The following GSE1 variants were observed in gnomAD, a reference collection of about 807,000 sequenced individuals.
GSE1 encodes the protein Gse1 coiled-coil protein, also known as genetic suppressor element 1.
In GSE1, 32 loss-of-function variants were observed where a neutral mutation model predicts 112.6. The ratio of observed to expected loss-of-function variants is 0.28; its 90% confidence interval spans 0.21 to 0.38. The LOEUF (loss-of-function observed/expected upper bound fraction) is 0.38, where lower values mean the gene tolerates loss of function less well. Ranked by LOEUF, GSE1 falls within the 10% of genes least tolerant of loss-of-function variation. The pLI is 1.00. For missense variants in GSE1, 2,348 were observed against 1,699.2 expected (o/e 1.38, Z -6.71); for synonymous variants, 1,115 against 735.6 (o/e 1.52, Z -8.35).
intron 2 of GSE1, among the ~76,000 whole-genome samples, chr16:85,465,561 T>C (rs953757113): frequency 6.6e-5 from 10 of 152,324 alleles, no homozygotes; most frequent in Non-Finnish European, 1.2e-4. Flanking sequence ...TGCTATTTTT[T>C]CTTCCACCTG....
At chr16:85,644,268 G>C (rs1477000186) in intron 2 of GSE1, among the ~76,000 whole-genome samples, 1 of 151,972 alleles carries the variant, frequency 6.6e-6, no homozygotes, top group South Asian at 2.1e-4. Flanking sequence ...GAACCCAGGA[G>C]GTTGAGGCTG....
At chr16:85,617,063 C>T (rs541797657) in intron 1 of GSE1, among the ~76,000 whole-genome samples, 1 of 152,362 alleles carries the variant, frequency 6.6e-6, no homozygotes, top group South Asian at 2.1e-4. Flanking sequence ...CTCGCCACTC[C>T]TGCGTTTGGC....
At chr16:85,339,950 G>A (rs943410796) in intron 1 of GSE1, among the ~76,000 whole-genome samples, 1 of 152,170 alleles carries the variant, frequency 6.6e-6, no homozygotes, top group Non-Finnish European at 1.5e-5. Context: ...CAGGGCGGGG[G>A]CCAGATAAAT....
chr16:85,566,503 C>T (rs2045752905), intron 1 of GSE1, among the ~76,000 whole-genome samples: 1 of 152,350 alleles, frequency 6.6e-6, no homozygotes, highest in African/African-American at 2.4e-5. Context: ...ATGGAGGGCG[C>T]TATTGGCCAG....
At chr16:85,327,057 G>A (rs1408106857) in intron 1 of GSE1, among the ~76,000 whole-genome samples, 1 of 152,200 alleles carries the variant, frequency 6.6e-6, no homozygotes, top group Admixed American at 6.5e-5. Context: ...GACAGTGCGT[G>A]CACCTACCAC....
upstream of GSE1, among the ~76,000 whole-genome samples, chr16:85,553,484 A>C (rs1215999790): frequency 6.6e-6 from 1 of 151,634 alleles, no homozygotes; most frequent in East Asian, 1.9e-4. Flanking sequence ...ACAGGTCAGC[A>C]GCTCTGGCGC....
intron 1 of GSE1, among the ~76,000 whole-genome samples, chr16:85,323,292 C>T (rs954640500): frequency 3.3e-5 from 5 of 152,140 alleles, no homozygotes; most frequent in Non-Finnish European, 7.3e-5. Flanking sequence ...ATTTCCAGAA[C>T]CTTCTGAGGG....
At chr16:85,223,880 C>A (rs1180439783) in intron 1 of GSE1, among the ~76,000 whole-genome samples, 7 of 152,252 alleles carry the variant, frequency 4.6e-5, no homozygotes, top group Non-Finnish European at 1.0e-4. Context: ...GCTGGGATTA[C>A]CGGCGTGAGC....
chr16:85,666,218 C>T lies in GSE1; in HGVS notation c.3001C>T (p.Pro1001Ser). 6.2e-7 allele frequency: 1 copy of T among 1,613,738 alleles called. No homozygotes were observed. The highest frequency in any genetic ancestry group is 2.2e-5 in the East Asian group (1 of 44,884). Residue 1001 changes from proline to serine, a missense_variant, in exon 13 of 16, where the codon CCT (proline) becomes TCT (serine). Coordinates refer to ENST00000253458, the MANE Select transcript of GSE1 (RefSeq NM_014615.5). ...YIRGAAPKDI[P>S]VPLSHSTNGK... Reference sequence around the variant, plus strand: ...CCGGGGCGCTGCACCCAAGGACATTCCTGTGCCGCTGTCCCACAGCACCAA... The same window carrying T: ...CCGGGGCGCTGCACCCAAGGACATTTCTGTGCCGCTGTCCCACAGCACCAA...
upstream of GSE1, among the ~76,000 whole-genome samples, chr16:85,610,793 C>G (rs2047936416): frequency 1.3e-5 from 2 of 152,244 alleles, no homozygotes; most frequent in Non-Finnish European, 2.9e-5. Context: ...TTGCATGTCA[C>G]CTGTGTGCAC....
At chr16:85,269,915 G>A (rs375920603) in intron 1 of GSE1, among the ~76,000 whole-genome samples, 2 of 149,626 alleles carry the variant, frequency 1.3e-5, no homozygotes, top group African/African-American at 4.8e-5. Flanking sequence ...GCTGCGTTCT[G>A]TGGACGCTTT....
At chr16:85,251,021 TC>T (rs1906414618) in intron 1 of GSE1, among the ~76,000 whole-genome samples, 1 of 152,256 alleles carries the variant, frequency 6.6e-6, no homozygotes, top group African/African-American at 2.4e-5. Flanking sequence ...TGAGTAATAT[TC>T]CACTGTGTGG....
intron 1 of GSE1, among the ~76,000 whole-genome samples, chr16:85,632,146 C>T (rs1002514086): frequency 7.2e-5 from 11 of 152,168 alleles, no homozygotes; most frequent in Non-Finnish European, 1.3e-4. Context: ...GTGCAGGTCC[C>T]CCTCCACCCC....
At chr16:85,440,778 G>A (rs2049357103) in intron 2 of GSE1, among the ~76,000 whole-genome samples, 1 of 152,222 alleles carries the variant, frequency 6.6e-6, no homozygotes, top group Admixed American at 6.5e-5. Context: ...GCCTTGCTGG[G>A]AGCTTTTCCT....
At chr16:85,367,061 C>T (rs1022360763) in intron 2 of GSE1, among the ~76,000 whole-genome samples, 3 of 152,224 alleles carry the variant, frequency 2.0e-5, no homozygotes, top group Admixed American at 6.5e-5. Flanking sequence ...ACCACCCTGC[C>T]GTGGCCTCTG....
At chr16:85,205,329 G>A (rs1188234068) in intron 1 of GSE1, among the ~76,000 whole-genome samples, 1 of 151,952 alleles carries the variant, frequency 6.6e-6, no homozygotes, top group Non-Finnish European at 1.5e-5. Context: ...ACGGGGTTTC[G>A]CCATGTTGGC....
At chr16:85,445,031 C>T (rs9673732) in intron 2 of GSE1, among the ~76,000 whole-genome samples, 8,059 of 152,332 alleles carry the variant, frequency 0.053, 735 homozygotes, top group African/African-American at 0.18. Context: ...TCCCGCCGCA[C>T]GCAGGCAGGG....
intron 2 of GSE1, among the ~76,000 whole-genome samples, chr16:85,644,659 G>A (rs530145508): frequency 2.0e-5 from 3 of 152,252 alleles, no homozygotes; most frequent in South Asian, 2.1e-4. Context: ...CTGGGGAGAC[G>A]GGAGTGGTTG....
intron 2 of GSE1, among the ~76,000 whole-genome samples, chr16:85,482,671 C>T (rs9938653): frequency 0.6 from 91,354 of 152,148 alleles, 27,557 homozygotes; most frequent in African/African-American, 0.61. Flanking sequence ...ATCCAGCATC[C>T]AAGGTGTTCC....
Sources: gnomAD v4.1 joint callset for allele counts (sites outside exome capture counted in the v4.1 genomes callset) on GRCh38, gnomAD v4.1.1 for gene constraint, MANE v1.5 for transcripts, NCBI Gene and HGNC (gene_info 2026-07-23, HGNC 2026-07-21) for gene names.